The following NBEA variants were observed in gnomAD, a reference collection of about 807,000 sequenced individuals.
NBEA encodes neurobeachin.
NBEA carries 44 observed loss-of-function variants against 343.4 expected under a neutral mutation model. The ratio of observed to expected loss-of-function variants is 0.13; its 90% CI spans 0.10 to 0.16. The LOEUF (loss-of-function observed/expected upper bound fraction) is 0.16. NBEA is among the 10% of genes least tolerant of loss of function. The pLI, the probability that NBEA is intolerant of heterozygous loss-of-function variation, is 1.00. For synonymous variants in NBEA, 1,175 were observed against 1,238.7 expected, an observed-to-expected ratio of 0.95 and a Z score of 1.08; for missense variants, 2,555 against 3,631.3, an observed-to-expected ratio of 0.70 and a Z score of 7.62.
At chr13:35,084,661 C>G (rs2064632714) in intron 10 of NBEA, among the ~76,000 whole-genome samples, 1 of 151,954 alleles carries the variant, frequency 6.6e-6, no homozygotes, top group Non-Finnish European at 1.5e-5. Flanking sequence ...CCTAACATCA[C>G]AATTAAAAGA....
At chr13:35,475,135 A>C in intron 41 of NBEA, 1 of 1,614,148 alleles carries the variant, frequency 6.2e-7, no homozygotes, top group South Asian at 1.1e-5. Flanking sequence ...AGCGTTTTCC[A>C]GAGCTGAGTG....
intron 11 of NBEA, among the ~76,000 whole-genome samples, chr13:35,098,988 G>A (rs2065479628): frequency 6.7e-6 from 1 of 149,828 alleles, no homozygotes; most frequent in African/African-American, 2.5e-5. Context: ...TAAGGAGGGA[G>A]TACTGTAGTT....
Position 35,549,368 on chromosome 13 carries a change from T to C in NBEA, c.6586-1109T>C, listed in dbSNP as rs147802905. Among the ~76,000 whole-genome samples the C allele has an allele frequency of 5.9e-3, 896 of 152,302 alleles. 4 individuals carry two copies. Among genetic ancestry groups the C allele is most frequent in the African/African-American group, 0.021 (858 of 41,546 alleles). On this transcript the variant is annotated intron_variant, in intron 41 of 58. Coordinates refer to ENST00000379939, the MANE Select transcript of NBEA (RefSeq NM_001385012.1). ...TATAATGTATGTAAAACTCAGTAAC[T>C]GTTTTCATTTCCACCAAAGCAAATA...
At chr13:35,142,515 A>G (rs1269488253) in intron 18 of NBEA, 138 bp downstream of exon 18, 2 of 467,270 alleles carry the variant, frequency 4.3e-6, no homozygotes, top group African/African-American at 4.0e-5. Flanking sequence ...GTAAAAAATG[A>G]ATATATACCT....
rs1491327693 is a variant in NBEA at position 35,468,109 on chromosome 13, C to CCT, written c.6449-4290_6449-4289insTC. Among the ~76,000 whole-genome samples, 166 of 27,870 alleles carry CCT rather than the reference C, an allele frequency of 6.0e-3. 2 individuals are homozygous for CCT. Among genetic ancestry groups the CCT allele is most frequent in the African/African-American group, 0.022 (163 of 7,266 alleles). 18.3% of individuals were successfully genotyped at this position (27,870 alleles called of 152,430 possible). On this transcript the variant is annotated intron_variant, in intron 40 of 58. Coordinates refer to ENST00000379939, the MANE Select transcript of NBEA (RefSeq NM_001385012.1). ...TACCCCCTCCTGAAAATGATTTACA[C>CCT]CCCCCCCCCACTCCCCTCCCCTGAA...
rs755881118 is a variant in NBEA at position 34,942,835 on chromosome 13, GCCGGGC to G, written c.27_32del (p.Pro10_Gly11del). The G allele has an allele frequency of 8.4e-5, 114 of 1,365,260 alleles. 1 individual carries two copies. In the East Asian group the frequency reaches 3.3e-3, roughly 39 times the overall value. The allele number at this position is 1,365,260 out of a possible 1,614,324, so 84.6% of individuals were successfully genotyped here. A position where few individuals can be genotyped will look rare whatever the true frequency, so the allele number is the denominator to read the frequency against. The stretch of plus-strand genomic sequence containing the variant: ...GAGGGGGGCCAATGGCTAGCGAGAA[GCCGGGC>G]CCGGGCCCGGGGCTCGAGCCTCAGC... On this transcript the variant is annotated inframe_deletion, in exon 1 of 59. Transcript: ENST00000379939.
intron 55 of NBEA, among the ~76,000 whole-genome samples, chr13:35,657,260 ATAGCATATGCCTC>A (rs973324073): frequency 3.9e-5 from 6 of 152,230 alleles, no homozygotes; most frequent in Admixed American, 6.5e-5. Flanking sequence ...GTGTTGTAAA[ATAGCATATGCCTC>A]TTGGCATAGC....
intron 38 of NBEA, among the ~76,000 whole-genome samples, chr13:35,419,540 C>T (rs1020370316): frequency 3.3e-5 from 5 of 151,986 alleles, no homozygotes; most frequent in Non-Finnish European, 2.9e-5. Flanking sequence ...TTATTAGAAA[C>T]TGCTTTTGGA....
At chr13:35,593,279 G>T in intron 46 of NBEA, 49 bp from the exon 47 acceptor site, 2 of 1,597,780 alleles carry the variant, frequency 1.3e-6, no homozygotes, top group South Asian at 2.2e-5. Context: ...AGGAACGAGG[G>T]CAGCTGTGTT....
At chr13:35,237,875 G>C (rs2075307789) in intron 34 of NBEA, among the ~76,000 whole-genome samples, 1 of 151,948 alleles carries the variant, frequency 6.6e-6, no homozygotes, top group African/African-American at 2.4e-5. Context: ...TATTGTCGGT[G>C]TCCTTTCATT....
Position 35,117,422 on chromosome 13 carries a change from CG to C in NBEA, c.2013del (p.Pro672HisfsTer9). On this transcript the variant is annotated frameshift_variant, in exon 14 of 59. Transcript: ENST00000379939. LOFTEE classifies it high-confidence loss of function. ...GITPKGLDGP[R>X]PSQKEIISLR... ...TTTCTGTTTTGTTCTAGATGGTCCC[CG>C]GCCATCACAAAAAGAAATTATATCA... is the stretch of plus-strand genomic sequence containing the variant. 7.3e-7 allele frequency: 1 copy of C among 1,367,522 alleles called. No homozygotes were observed. Among genetic ancestry groups the C allele is most frequent in the South Asian group, 2.0e-5 (1 of 48,792 alleles). 84.7% of individuals were successfully genotyped at this position (1,367,522 alleles called of 1,614,324 possible). A position where few individuals can be genotyped will look rare whatever the true frequency, so the allele number is the denominator to read the frequency against.
At chr13:35,522,641 G>T (rs556761291) in intron 41 of NBEA, among the ~76,000 whole-genome samples, 1 of 152,020 alleles carries the variant, frequency 6.6e-6, no homozygotes, top group Non-Finnish European at 1.5e-5. Context: ...AGGAACCAGG[G>T]CACCCAGCAG....
At chr13:35,399,439 T>A (rs2042896318) in intron 38 of NBEA, among the ~76,000 whole-genome samples, 1 of 151,084 alleles carries the variant, frequency 6.6e-6, no homozygotes, top group East Asian at 1.9e-4. Context: ...GAGAGAGAAA[T>A]GAAGGAGGAA....
At chr13:34,967,536 A>G (rs2059862103) in intron 1 of NBEA, among the ~76,000 whole-genome samples, 1 of 152,068 alleles carries the variant, frequency 6.6e-6, no homozygotes, top group Non-Finnish European at 1.5e-5. Context: ...AAGTAGTAAT[A>G]TCCTGGGAAA....
At chr13:35,588,475 G>A (rs1364338836) in intron 46 of NBEA, among the ~76,000 whole-genome samples, 2 of 152,178 alleles carry the variant, frequency 1.3e-5, no homozygotes, top group East Asian at 3.9e-4. Context: ...CATTAAACTT[G>A]TTATTTGTTT....
intron 17 of NBEA, among the ~76,000 whole-genome samples, chr13:35,130,600 A>G (rs1019084144): frequency 3.3e-5 from 5 of 152,068 alleles, no homozygotes; most frequent in Non-Finnish European, 5.9e-5. Flanking sequence ...TAAATTTGGA[A>G]GAGTATTTTA....
intron 31 of NBEA, among the ~76,000 whole-genome samples, chr13:35,199,377 C>T (rs924026869): frequency 1.3e-5 from 2 of 152,040 alleles, no homozygotes; most frequent in African/African-American, 2.4e-5. Flanking sequence ...TGAATGCTAC[C>T]GGTTTCAAAC....
At chr13:35,378,106 G>A (rs1246541441) in intron 38 of NBEA, among the ~76,000 whole-genome samples, 1 of 152,262 alleles carries the variant, frequency 6.6e-6, no homozygotes, top group Admixed American at 6.5e-5. Flanking sequence ...GTCTTGGGGA[G>A]AAACAGGAAT....
At chr13:34,948,759 G>A (rs1428592086) in intron 1 of NBEA, among the ~76,000 whole-genome samples, 2 of 152,096 alleles carry the variant, frequency 1.3e-5, no homozygotes, top group African/African-American at 4.8e-5. Context: ...TTTGTCAATG[G>A]AACTACTGAG....
Sources: allele counts gnomAD v4.1 joint callset (sites outside exome capture counted in the v4.1 genomes callset), GRCh38; gene constraint gnomAD v4.1.1; transcripts MANE v1.5; gene names NCBI Gene and HGNC (gene_info 2026-07-23, HGNC 2026-07-21).